Variants in NKAIN3 observed in about 807,000 individuals in gnomAD.
The protein encoded by NKAIN3 is sodium/potassium-transporting ATPase subunit beta-1-interacting protein 3.
Under a neutral mutation model 30.2 loss-of-function variants are expected in NKAIN3, and 25 were observed. That is an observed-to-expected ratio of 0.83 (90% CI 0.60 to 1.16). NKAIN3 has a LOEUF of 1.16. Ranked by LOEUF, NKAIN3 falls within the 50% of genes most tolerant of loss-of-function variation. The pLI, the probability that NKAIN3 is intolerant of heterozygous loss-of-function variation, is 0.00. For synonymous variants in NKAIN3, 91 were observed against 89.6 expected, an observed-to-expected ratio of 1.02 and a Z score of -0.09; for missense variants, 225 against 254.1, an observed-to-expected ratio of 0.89 and a Z score of 0.78.
intron 3 of NKAIN3, among the ~76,000 whole-genome samples, chr8:62,630,524 C>T (rs1419237517): frequency 6.6e-6 from 1 of 152,096 alleles, no homozygotes; most frequent in African/African-American, 2.4e-5. Flanking sequence ...AAAAGTGTTT[C>T]TAAATTTTCC....
intron 1 of NKAIN3, among the ~76,000 whole-genome samples, chr8:62,303,116 G>A (rs1344560252): frequency 2.0e-5 from 3 of 150,334 alleles, no homozygotes; most frequent in African/African-American, 7.5e-5. Context: ...GGGACAATTG[G>A]GAAAATGTGT....
chr8:62,501,168 T>C (rs1290062288), intron 1 of NKAIN3, among the ~76,000 whole-genome samples: 1 of 152,172 alleles, frequency 6.6e-6, no homozygotes, highest in East Asian at 1.9e-4. Flanking sequence ...CTAAATCTCC[T>C]AATATTATTT....
chr8:62,618,905 C>CA (rs895842510), intron 3 of NKAIN3, among the ~76,000 whole-genome samples: 60 of 149,200 alleles, frequency 4.0e-4, no homozygotes, highest in Admixed American at 7.4e-4. Context: ...GACTCCATCT[C>CA]AAAAAAAACA....
At chr8:62,528,429 G>T (rs1421299076) in intron 1 of NKAIN3, among the ~76,000 whole-genome samples, 16 of 150,404 alleles carry the variant, frequency 1.1e-4, no homozygotes, top group African/African-American at 3.4e-4. Flanking sequence ...TCACTGTGGT[G>T]GGCTTTGTGG....
At chr8:62,986,252 A>T (rs963292851), downstream of NKAIN3, among the ~76,000 whole-genome samples, 1 of 152,208 alleles carries the variant, frequency 6.6e-6, no homozygotes, top group Admixed American at 6.5e-5. Flanking sequence ...CTGAGCCCCT[A>T]GTCCATCCTG....
Position 62,957,775 on chromosome 8 carries a change from G to A in NKAIN3, c.603+3803G>A, listed in dbSNP as rs115109000. Among the ~76,000 whole-genome samples, 874 of 152,284 alleles carry A rather than the reference G, an allele frequency of 5.7e-3. 10 individuals carry two copies. Among genetic ancestry groups the A allele is most frequent in the African/African-American group, 0.02 (837 of 41,550 alleles). Reference sequence around the variant, plus strand: ...AGTAGAACTACTCTGTATGACATTGGAATGATGGACATATTTCAGCATACA... The same window carrying A: ...AGTAGAACTACTCTGTATGACATTGAAATGATGGACATATTTCAGCATACA... On this transcript the variant is annotated intron_variant, in intron 6 of 6. Transcript: ENST00000623646.
At chr8:62,716,631 A>G (rs574003605) in intron 3 of NKAIN3, among the ~76,000 whole-genome samples, 1 of 152,190 alleles carries the variant, frequency 6.6e-6, no homozygotes, top group Non-Finnish European at 1.5e-5. Context: ...GTAGGTTAAA[A>G]AATACATGAA....
At chr8:62,743,223 T>C (rs10957233) in intron 3 of NKAIN3, among the ~76,000 whole-genome samples, 77,004 of 152,114 alleles carry the variant, frequency 0.51, 22,643 homozygotes, top group Non-Finnish European at 0.67. Flanking sequence ...CTGTATAAAA[T>C]GTTATTTTCT....
chr8:62,949,512 A>G (rs920324154), intron 5 of NKAIN3, among the ~76,000 whole-genome samples: 4 of 152,198 alleles, frequency 2.6e-5, no homozygotes, highest in African/African-American at 9.7e-5. Flanking sequence ...GTTACAAGTA[A>G]TATTATTTCT....
At chr8:62,820,066 C>CT (rs1390771827) in intron 4 of NKAIN3, among the ~76,000 whole-genome samples, 1 of 152,070 alleles carries the variant, frequency 6.6e-6, no homozygotes, top group Admixed American at 6.6e-5. Context: ...GGATATGAAG[C>CT]TGAAAGATAG....
chr8:62,637,053 T>G (rs1331112632), intron 3 of NKAIN3, among the ~76,000 whole-genome samples: 1 of 152,178 alleles, frequency 6.6e-6, no homozygotes, highest in Non-Finnish European at 1.5e-5. Context: ...AATCCATTAT[T>G]TTTTTGGAAA....
chr8:62,394,978 C>A (rs377522934), intron 1 of NKAIN3, among the ~76,000 whole-genome samples: 1 of 148,946 alleles, frequency 6.7e-6, no homozygotes, highest in South Asian at 2.1e-4. Flanking sequence ...ACTTCCCAGA[C>A]GGGTCGGCGG....
intron 1 of NKAIN3, among the ~76,000 whole-genome samples, chr8:62,575,887 T>A (rs1470034763): frequency 1.3e-5 from 2 of 152,086 alleles, no homozygotes; most frequent in African/African-American, 4.8e-5. Flanking sequence ...TTTCAATAAA[T>A]GGGTCAGGGA....
intron 4 of NKAIN3, among the ~76,000 whole-genome samples, chr8:62,810,937 A>G (rs1818466053): frequency 6.6e-6 from 1 of 152,168 alleles, no homozygotes; most frequent in Non-Finnish European, 1.5e-5. Flanking sequence ...TTGCCGAACT[A>G]TAGTACAATA....
intron 1 of NKAIN3, among the ~76,000 whole-genome samples, chr8:62,261,571 G>A (rs1812443885): frequency 6.6e-6 from 1 of 152,182 alleles, no homozygotes; most frequent in Non-Finnish European, 1.5e-5. Context: ...TCTTCCACAA[G>A]GATGTCAAGT....
At chr8:62,594,578 A>C (rs946461945) in intron 3 of NKAIN3, among the ~76,000 whole-genome samples, 1 of 152,100 alleles carries the variant, frequency 6.6e-6, no homozygotes, top group African/African-American at 2.4e-5. Flanking sequence ...TGTTTTCCTT[A>C]AAAATGAGCT....
intron 3 of NKAIN3, among the ~76,000 whole-genome samples, chr8:62,699,725 C>CTG (rs1157289854): frequency 6.6e-6 from 1 of 152,176 alleles, no homozygotes; most frequent in Non-Finnish European, 1.5e-5. Context: ...TAGTCTTGAA[C>CTG]TGTAGCCTGT....
intron 1 of NKAIN3, among the ~76,000 whole-genome samples, chr8:62,556,979 G>A (rs1420043625): frequency 1.3e-5 from 2 of 151,912 alleles, no homozygotes; most frequent in African/African-American, 2.4e-5. Context: ...GGAACAGTTC[G>A]TGTTTGGTTA....
chr8:62,741,386 G>GGAAA (rs1815873240), intron 3 of NKAIN3, among the ~76,000 whole-genome samples: 3 of 145,626 alleles, frequency 2.1e-5, no homozygotes, highest in African/African-American at 2.7e-5. Context: ...AAGGAAGGAA[G>GGAAA]GAAGGAAGGA....
Sources: gnomAD v4.1 joint callset for allele counts (sites outside exome capture counted in the v4.1 genomes callset) on GRCh38, gnomAD v4.1.1 for gene constraint, MANE v1.5 for transcripts, NCBI Gene and HGNC (gene_info 2026-07-23, HGNC 2026-07-21) for gene names.